UGT8: variants seen among roughly 807,000 people sequenced by gnomAD.
UGT8 encodes the protein 2-hydroxyacylsphingosine 1-beta-galactosyltransferase.
UGT8 carries 12 observed loss-of-function variants against 40.5 expected under a neutral mutation model. That is an observed-to-expected ratio of 0.30 (90% confidence interval 0.19 to 0.48). UGT8 has a LOEUF of 0.48. UGT8 is among the 20% of genes least tolerant of loss of function. The pLI, the probability that UGT8 is intolerant of heterozygous loss-of-function variation, is 0.99. For missense variants in UGT8, 513 were observed against 648.7 expected (o/e 0.79, Z 2.27); for synonymous variants, 224 against 240.4 (o/e 0.93, Z 0.63).
At chr4:114,673,332 A>T (rs924918969) in intron 5 of UGT8, among the ~76,000 whole-genome samples, 2 of 152,216 alleles carry the variant, frequency 1.3e-5, no homozygotes, top group Non-Finnish European at 2.9e-5. Context: ...GAGTTCTCCA[A>T]TATTCCTTTC....
At chr4:114,647,153 T>C (rs959953915) in intron 2 of UGT8, among the ~76,000 whole-genome samples, 2 of 152,226 alleles carry the variant, frequency 1.3e-5, no homozygotes, top group Non-Finnish European at 1.5e-5. Context: ...ATTATAACTT[T>C]AATTTGTAAG....
chr4:114,612,607 CT>C (rs1560668820), intron 1 of UGT8, among the ~76,000 whole-genome samples: 2 of 152,064 alleles, frequency 1.3e-5, no homozygotes, highest in Non-Finnish European at 2.9e-5. Flanking sequence ...AAAATATTTT[CT>C]TTTCCAGTAC....
chr4:114,599,095 G>C, intron 1 of UGT8, 121 bp downstream of exon 1: 1 of 147,590 alleles, frequency 6.8e-6, no homozygotes, highest in Non-Finnish European at 1.5e-5. Context: ...CAGGGGCGGG[G>C]GGGTGGGAAT....
chr4:114,632,932 C>G (rs191109277), intron 2 of UGT8, among the ~76,000 whole-genome samples: 4 of 152,162 alleles, frequency 2.6e-5, no homozygotes, highest in Admixed American at 1.3e-4. Flanking sequence ...CAGTGAAAAG[C>G]AACTTAATTG....
intron 2 of UGT8, among the ~76,000 whole-genome samples, chr4:114,652,516 G>A (rs10015886): frequency 0.033 from 4,977 of 151,904 alleles, 251 homozygotes; most frequent in African/African-American, 0.11. Flanking sequence ...TTTATGATGG[G>A]TCTAGGAGTT....
At chr4:114,665,277 A>T (rs924850852) in intron 3 of UGT8, 1 of 544,196 alleles carries the variant, frequency 1.8e-6, no homozygotes, top group African/African-American at 2.1e-5. Flanking sequence ...GGTGTTAAGG[A>T]TTTAGGGATA....
intron 1 of UGT8, among the ~76,000 whole-genome samples, chr4:114,621,790 A>G (rs777977349): frequency 3.9e-5 from 6 of 152,192 alleles, no homozygotes; most frequent in Admixed American, 1.3e-4. Flanking sequence ...CTTCCCAAAC[A>G]GATCCATTTT....
At chr4:114,659,367 T>C (rs530595703) in intron 2 of UGT8, among the ~76,000 whole-genome samples, 1 of 152,318 alleles carries the variant, frequency 6.6e-6, no homozygotes, top group African/African-American at 2.4e-5. Context: ...TTTATAGATA[T>C]CTGTTACTTA....
chr4:114,629,439 A>G (rs571562548), intron 2 of UGT8, among the ~76,000 whole-genome samples: 87 of 152,332 alleles, frequency 5.7e-4, no homozygotes, highest in Non-Finnish European at 1.1e-3. Flanking sequence ...CACTCAATAA[A>G]AGTTTAATAT....
At chr4:114,657,970 T>C (rs1354976441) in intron 2 of UGT8, among the ~76,000 whole-genome samples, 1 of 152,190 alleles carries the variant, frequency 6.6e-6, no homozygotes, top group Non-Finnish European at 1.5e-5. Flanking sequence ...AACAAATCAG[T>C]GAAAACAATG....
chr4:114,611,459 GAGAT>G (rs1731069842), intron 1 of UGT8, among the ~76,000 whole-genome samples: 1 of 127,896 alleles, frequency 7.8e-6, no homozygotes, highest in African/African-American at 3.2e-5. Context: ...CACACACACA[GAGAT>G]ATTAGATATA....
intron 4 of UGT8, chr4:114,667,747 C>G (rs1269067694): frequency 2.9e-6 from 1 of 350,206 alleles, no homozygotes; most frequent in East Asian, 1.7e-4. Context: ...TGTTTTTTCA[C>G]TCTGGTATTG....
chr4:114,630,157 A>G (rs1028165655), intron 2 of UGT8, among the ~76,000 whole-genome samples: 1 of 152,204 alleles, frequency 6.6e-6, no homozygotes, highest in Non-Finnish European at 1.5e-5. Context: ...GTGACAAATC[A>G]GTGGCACTGA....
intron 1 of UGT8, among the ~76,000 whole-genome samples, chr4:114,605,607 A>G (rs942395380): frequency 6.6e-6 from 1 of 152,210 alleles, no homozygotes; most frequent in African/African-American, 2.4e-5. Flanking sequence ...TAGTTATTAC[A>G]TTAAGCTATA....
Position 114,678,090 on chromosome 4 carries a change from C to T in UGT8, c.*1802C>T, listed in dbSNP as rs1241628008. ...AATGAATGGTGGGATAGTAAGAGGA[C>T]TTAGAGTGTATGAATGAGTTGATTT... On this transcript the variant is annotated 3_prime_UTR_variant, in exon 6 of 6. Coordinates refer to ENST00000310836, the MANE Select transcript of UGT8 (RefSeq NM_001128174.3). 6.6e-6 allele frequency: 1 copy of T among 152,102 alleles called. No individual in the cohort carries two copies. Among genetic ancestry groups the T allele is most frequent in the Non-Finnish European group, 1.5e-5 (1 of 68,028 alleles). 9.4% of individuals were successfully genotyped at this position (152,102 alleles called of 1,614,324 possible).
chr4:114,607,211 T>C lies in UGT8; in HGVS notation c.-3+8237T>C, dbSNP rs147158568. On this transcript the variant is annotated intron_variant, in intron 1 of 5. Coordinates refer to ENST00000310836, the MANE Select transcript of UGT8 (RefSeq NM_001128174.3). ...TAGAGTCCCAAGTAACCTTTGGAAG[T>C]CAAAATGACAATCCAGTCTGGGGAA... Among the ~76,000 whole-genome samples, 469 of 152,286 alleles carry C rather than the reference T, an allele frequency of 3.1e-3. 2 individuals carry two copies. Among genetic ancestry groups the C allele is most frequent in the African/African-American group, 8.5e-3 (353 of 41,560 alleles).
intron 2 of UGT8, among the ~76,000 whole-genome samples, chr4:114,661,566 G>A (rs905370731): frequency 5.3e-5 from 8 of 152,158 alleles, no homozygotes; most frequent in East Asian, 3.9e-4. Flanking sequence ...CTTGTCAACC[G>A]AATCCAAAAT....
At chr4:114,642,383 A>C (rs182406769) in intron 2 of UGT8, among the ~76,000 whole-genome samples, 3 of 152,164 alleles carry the variant, frequency 2.0e-5, no homozygotes, top group African/African-American at 7.2e-5. Context: ...TAGGCCCTCA[A>C]TGAGCAGTAG....
chr4:114,640,247 G>A (rs1356929978), intron 2 of UGT8, among the ~76,000 whole-genome samples: 1 of 151,874 alleles, frequency 6.6e-6, no homozygotes. Flanking sequence ...AGCCAGGATG[G>A]TCTCGATCTC....
Sources: gnomAD v4.1 joint callset for allele counts (sites outside exome capture counted in the v4.1 genomes callset) on GRCh38, gnomAD v4.1.1 for gene constraint, MANE v1.5 for transcripts, NCBI Gene and HGNC (gene_info 2026-07-23, HGNC 2026-07-21) for gene names.